Variants in SPECC1 observed in about 807,000 individuals in gnomAD.
SPECC1 encodes sperm antigen with calponin homology and coiled-coil domains 1.
SPECC1 carries 62 observed loss-of-function variants against 104.1 expected under a neutral mutation model. The observed-to-expected ratio is 0.60, with a 90% CI of 0.49 to 0.74. SPECC1 has a LOEUF of 0.74. Among genes scored for constraint, SPECC1 ranks in the 30% least tolerant of loss-of-function variants. SPECC1 has a pLI of 0.00. For synonymous variants in SPECC1, 513 were observed against 501.6 expected (o/e 1.02, Z -0.30); for missense variants, 1,306 against 1,310.5 (o/e 1.00, Z 0.05).
intron 12 of SPECC1, among the ~76,000 whole-genome samples, chr17:20,274,993 T>G (rs949115027): frequency 6.6e-6 from 1 of 151,694 alleles, no homozygotes; most frequent in Non-Finnish European, 1.5e-5. Flanking sequence ...TTGTGATAAA[T>G]ACTCTATCAA....
At chr17:20,312,668 C>T (rs1032881358) in intron 14 of SPECC1, among the ~76,000 whole-genome samples, 4 of 152,202 alleles carry the variant, frequency 2.6e-5, no homozygotes, top group Admixed American at 2.0e-4. Flanking sequence ...TGTGTGCAGT[C>T]ATGACTACAG....
At chr17:20,275,727 T>A (rs2040554033) in intron 12 of SPECC1, among the ~76,000 whole-genome samples, 1 of 152,198 alleles carries the variant, frequency 6.6e-6, no homozygotes, top group Non-Finnish European at 1.5e-5. Context: ...GCTAGGCCCC[T>A]GCCTATTCTC....
At chr17:20,240,726 CCA>C (rs2039164732) in intron 7 of SPECC1, among the ~76,000 whole-genome samples, 1 of 152,146 alleles carries the variant, frequency 6.6e-6, no homozygotes, top group African/African-American at 2.4e-5. Flanking sequence ...AGATGTGCTC[CCA>C]TTTCTTTCTC....
intron 3 of SPECC1, among the ~76,000 whole-genome samples, chr17:20,139,329 G>A (rs1323113095): frequency 2.0e-5 from 3 of 152,224 alleles, no homozygotes; most frequent in Non-Finnish European, 2.9e-5. Context: ...TGCTGAAAAT[G>A]TCTGGGGAAT....
chr17:20,035,407 A>G (rs551796519), intron 1 of SPECC1, among the ~76,000 whole-genome samples: 1 of 152,228 alleles, frequency 6.6e-6, no homozygotes, highest in South Asian at 2.1e-4. Context: ...AAGTTTTCCA[A>G]CCTATAAGCA....
chr17:20,053,711 C>T (rs2045859338), intron 1 of SPECC1, among the ~76,000 whole-genome samples: 1 of 152,204 alleles, frequency 6.6e-6, no homozygotes, highest in African/African-American at 2.4e-5. Context: ...GGTGAGTGAA[C>T]TCCTTGGAAG....
chr17:20,239,814 A>C (rs2039109216), intron 7 of SPECC1, among the ~76,000 whole-genome samples: 1 of 144,750 alleles, frequency 6.9e-6, no homozygotes, highest in African/African-American at 2.6e-5. Context: ...CCTTGATCAT[A>C]TTTTTGCCAA....
rs542021462 is a variant in SPECC1, at chr17:20,237,407, C to T, written c.2351+5002C>T. On this transcript the variant is annotated intron_variant, in intron 7 of 14. Transcript: ENST00000395527. The stretch of plus-strand genomic sequence containing the variant: ...TCGGCTCACTGCAACCTCTGCCTCC[C>T]GGGTTCAAGTGATTCTCTTGCCTCA... 5 of 482,898 alleles carry T rather than the reference C, an allele frequency of 1.0e-5. 1 individual carries two copies. The highest frequency in any genetic ancestry group is 1.8e-4 in the South Asian group (2 of 11,028). The allele number at this position is 482,898 out of a possible 1,614,324, so 29.9% of individuals were successfully genotyped here.
intron 12 of SPECC1, among the ~76,000 whole-genome samples, chr17:20,273,225 T>G (rs1389574758): frequency 6.6e-6 from 1 of 152,162 alleles, no homozygotes; most frequent in Non-Finnish European, 1.5e-5. Context: ...GGCTCACCCC[T>G]GTAGTCCCAG....
At chr17:20,198,547 G>A in intron 3 of SPECC1, among the ~76,000 whole-genome samples, 1 of 152,186 alleles carries the variant, frequency 6.6e-6, no homozygotes, top group Non-Finnish European at 1.5e-5. Flanking sequence ...ACAGCCATTA[G>A]CAAAGAGTGC....
At chr17:20,133,959 C>T (rs895555179) in intron 3 of SPECC1, among the ~76,000 whole-genome samples, 5 of 151,812 alleles carry the variant, frequency 3.3e-5, no homozygotes, top group Non-Finnish European at 7.4e-5. Flanking sequence ...TTCTTGGGGC[C>T]CAGATGGTGT....
At chr17:20,274,627 C>A (rs975057610) in intron 12 of SPECC1, among the ~76,000 whole-genome samples, 1 of 150,380 alleles carries the variant, frequency 6.6e-6, no homozygotes, top group Non-Finnish European at 1.5e-5. Flanking sequence ...ATTACAAGCA[C>A]GTGCCACCAC....
At chr17:20,311,733 G>A (rs1598185067) in intron 14 of SPECC1, among the ~76,000 whole-genome samples, 2 of 152,168 alleles carry the variant, frequency 1.3e-5, no homozygotes, top group South Asian at 2.1e-4. Context: ...ATGATTTTAC[G>A]GGGGGAATGT....
intron 12 of SPECC1, among the ~76,000 whole-genome samples, chr17:20,288,199 G>A (rs1458040460): frequency 6.6e-6 from 1 of 152,072 alleles, no homozygotes; most frequent in Non-Finnish European, 1.5e-5. Flanking sequence ...TCACTGATGG[G>A]CATTTGGGTT....
chr17:20,164,787 A>G (rs1345914080), intron 3 of SPECC1, among the ~76,000 whole-genome samples: 5 of 152,200 alleles, frequency 3.3e-5, no homozygotes, highest in Non-Finnish European at 7.3e-5. Flanking sequence ...AAGAGGTGTC[A>G]TAATACTCAT....
chr17:20,084,484 T>G (rs2047102916), intron 1 of SPECC1, among the ~76,000 whole-genome samples: 1 of 152,176 alleles, frequency 6.6e-6, no homozygotes, highest in South Asian at 2.1e-4. Flanking sequence ...TGGTTATTAT[T>G]CAAGAATTCA....
At chr17:20,157,009 A>G (rs1050011245) in intron 3 of SPECC1, among the ~76,000 whole-genome samples, 3 of 152,054 alleles carry the variant, frequency 2.0e-5, no homozygotes, top group Non-Finnish European at 4.4e-5. Flanking sequence ...GGTGACAGGT[A>G]TGTGTTTCTG....
intron 1 of SPECC1, among the ~76,000 whole-genome samples, chr17:20,071,046 G>T (rs1453067171): frequency 1.3e-5 from 2 of 151,804 alleles, no homozygotes; most frequent in Non-Finnish European, 2.9e-5. Context: ...TTTGAGACAG[G>T]GTCTCACTGT....
intron 12 of SPECC1, among the ~76,000 whole-genome samples, chr17:20,278,269 G>A (rs890105100): frequency 3.9e-5 from 6 of 152,182 alleles, no homozygotes; most frequent in African/African-American, 1.4e-4. Context: ...AACAATTTGG[G>A]CTCCAGGCTT....
Sources: gnomAD v4.1 joint callset for allele counts (sites outside exome capture counted in the v4.1 genomes callset) on GRCh38, gnomAD v4.1.1 for gene constraint, MANE v1.5 for transcripts, NCBI Gene and HGNC (gene_info 2026-07-23, HGNC 2026-07-21) for gene names.